The following NDRG1 variants were observed in gnomAD, a reference collection of about 807,000 sequenced individuals.
NDRG1 encodes the protein N-myc downstream regulated 1.
NDRG1 carries 32 observed loss-of-function variants against 56.9 expected under a neutral mutation model. The observed-to-expected ratio is 0.56, with a 90% CI of 0.42 to 0.76. The LOEUF is 0.76. NDRG1 is among the 30% of genes least tolerant of loss of function. NDRG1 has a pLI of 0.00. For missense variants in NDRG1, 507 were observed against 545.7 expected, an observed-to-expected ratio of 0.93 and a Z score of 0.71; for synonymous variants, 211 against 204.1, an observed-to-expected ratio of 1.03 and a Z score of -0.29.
At chr8:133,250,670 G>A (rs1448547421) in intron 9 of NDRG1, 127 bp from the exon 10 acceptor site, 15 of 831,400 alleles carry the variant, frequency 1.8e-5, no homozygotes, top group Middle Eastern at 3.4e-4. Context: ...ACAAGACAGC[G>A]ACGGACCTAA....
At position 133,256,849 on chromosome 8, in the gene NDRG1, C is replaced by T; in HGVS notation, c.465G>A (p.Glu155=). 6.2e-7 allele frequency: 1 copy of T among 1,614,178 alleles called. No homozygotes were observed. The highest frequency in any genetic ancestry group is 8.5e-7 in the Non-Finnish European group (1 of 1,180,028). Residue 155 remains glutamate, a synonymous_variant, in exon 8 of 16, where the codon GAG becomes GAA. Transcript: ENST00000323851. ...ILTRFALNNP[E]MVEGLVLINV... is the part of the protein sequence containing the mutation. ...TGATAAGGACAAGGCCCTCCACCAT[C>T]TCAGGGTTGTTTAGCTGCAATTCAA... is the stretch of plus-strand genomic sequence containing the variant.
chr8:133,249,578 G>A (rs954081672), intron 10 of NDRG1: 1 of 153,778 alleles, frequency 6.5e-6, no homozygotes, highest in Admixed American at 6.4e-5. Context: ...ACAGTGTGGA[G>A]TCTGCGGGCT....
chr8:133,244,681 T>G, intron 13 of NDRG1: 1 of 539,246 alleles, frequency 1.9e-6, no homozygotes, highest in Admixed American at 3.1e-5. Flanking sequence ...GGTACAGCTG[T>G]CCCATTTTAC....
At chr8:133,246,737 C>G (rs1855704969) in intron 12 of NDRG1, 74 bp from the exon 13 acceptor site, 1 of 1,336,670 alleles carries the variant, frequency 7.5e-7, no homozygotes, top group African/African-American at 1.4e-5. Flanking sequence ...TTCTCCGCCA[C>G]TCTGCCACCG....
chr8:133,291,259 G>T (rs1447149920), intron 1 of NDRG1, among the ~76,000 whole-genome samples: 4 of 152,212 alleles, frequency 2.6e-5, no homozygotes, highest in Non-Finnish European at 4.4e-5. Context: ...TTATAGAACA[G>T]ATTTTTAAAA....
intron 1 of NDRG1, among the ~76,000 whole-genome samples, chr8:133,285,057 G>A (rs3779930): frequency 6.6e-6 from 1 of 152,312 alleles, no homozygotes; most frequent in African/African-American, 2.4e-5. Context: ...CTCTAACACA[G>A]GGCAGGTGCA....
intron 15 of NDRG1, 153 bp from the exon 16 acceptor site, chr8:133,239,272 C>G: frequency 1.6e-6 from 2 of 1,222,442 alleles, no homozygotes; most frequent in Non-Finnish European, 2.3e-6. Context: ...CCGTCCTCTC[C>G]ATGTCCACTC....
chr8:133,268,863 T>TCACACACACA (rs10569573), intron 3 of NDRG1, among the ~76,000 whole-genome samples: 10 of 149,456 alleles, frequency 6.7e-5, no homozygotes, highest in Non-Finnish European at 1.3e-4. Flanking sequence ...ATCCCCTAAG[T>TCACACACACA]CACACACACA....
chr8:133,296,198 TCCAG>T (rs1439352080), intron 1 of NDRG1, among the ~76,000 whole-genome samples: 1 of 144,892 alleles, frequency 6.9e-6, no homozygotes, highest in Non-Finnish European at 1.5e-5. Context: ...TCGAAGTAAT[TCCAG>T]CTGTTTTCCC....
chr8:133,263,106 G>A (rs891516878), intron 4 of NDRG1, among the ~76,000 whole-genome samples: 2 of 152,286 alleles, frequency 1.3e-5, no homozygotes, highest in East Asian at 1.9e-4. Context: ...GGGGAGAGAC[G>A]CTGCCATATG....
chr8:133,264,490 T>C, intron 4 of NDRG1, 57 bp downstream of exon 4: 3 of 1,548,044 alleles, frequency 1.9e-6, no homozygotes, highest in Non-Finnish European at 2.7e-6. Flanking sequence ...CGGCTGCCTT[T>C]TTCCGCCACT....
intron 14 of NDRG1, among the ~76,000 whole-genome samples, chr8:133,242,737 G>C (rs1041080932): frequency 6.6e-6 from 1 of 151,428 alleles, no homozygotes; most frequent in African/African-American, 2.4e-5. Flanking sequence ...AAGAAAGGAA[G>C]AGAAGGAAGG....
chr8:133,271,190 G>A (rs117837354), intron 3 of NDRG1, among the ~76,000 whole-genome samples: 19 of 152,252 alleles, frequency 1.2e-4, no homozygotes, highest in Non-Finnish European at 2.2e-4. Context: ...GAGGATCACC[G>A]CATACCCAGG....
chr8:133,282,746 T>C (rs537293931), intron 2 of NDRG1, among the ~76,000 whole-genome samples: 2 of 152,246 alleles, frequency 1.3e-5, no homozygotes. Flanking sequence ...CTTGCTATAA[T>C]GGCAAAGTTG....
At position 133,256,771 on chromosome 8, in the gene NDRG1, C is replaced by T. The variant is rs556570301; in HGVS notation, c.537+6G>A. On this transcript the variant is annotated splice_donor_region_variant and intron_variant, in intron 8 of 15. Transcript: ENST00000323851. ...ATCCCGCCGGCCTGACAGGCCCCCACCTCACCTTGGAGGCGGCCCAGTCCA... is the reference window on the plus strand; with the variant it reads ...ATCCCGCCGGCCTGACAGGCCCCCATCTCACCTTGGAGGCGGCCCAGTCCA... 1 of 1,613,960 alleles carries T rather than the reference C, an allele frequency of 6.2e-7. No individual in the cohort carries two copies. Among genetic ancestry groups the T allele is most frequent in the African/African-American group, 1.3e-5 (1 of 74,926 alleles).
intron 10 of NDRG1, 105 bp downstream of exon 10, chr8:133,250,335 C>A: frequency 9.4e-7 from 1 of 1,061,670 alleles, no homozygotes; most frequent in East Asian, 2.4e-5. Flanking sequence ...TCAGAGCCTG[C>A]CTCTTCCGCT....
At chr8:133,244,461 C>T (rs535456302) in intron 13 of NDRG1, 71 bp from the exon 14 acceptor site, 270 of 1,581,736 alleles carry the variant, frequency 1.7e-4, no homozygotes, top group Admixed American at 4.2e-4. Flanking sequence ...GAATTTTTTC[C>T]GAAAGGATGC....
chr8:133,295,647 G>A (rs1276924768), intron 1 of NDRG1, among the ~76,000 whole-genome samples: 1 of 152,214 alleles, frequency 6.6e-6, no homozygotes, highest in Non-Finnish European at 1.5e-5. Context: ...TTCTCAACAG[G>A]AAGAGTCTAG....
At position 133,261,036 on chromosome 8, in the gene NDRG1, T is replaced by C. The variant is rs553739890; in HGVS notation, c.326+1011A>G. Among the ~76,000 whole-genome samples, 170 of 152,304 alleles carry C rather than the reference T, an allele frequency of 1.1e-3. 1 individual carries two copies. Among genetic ancestry groups the C allele is most frequent in the Non-Finnish European group, 1.9e-3 (130 of 68,018 alleles). ...GCAAATACTCTCAACTAAGGCAGCCTGATGTTCCAAAGAGGATACACGTCT... is the reference window on the plus strand; with the variant it reads ...GCAAATACTCTCAACTAAGGCAGCCCGATGTTCCAAAGAGGATACACGTCT... On this transcript the variant is annotated intron_variant, in intron 5 of 15. Coordinates refer to ENST00000323851, the MANE Select transcript of NDRG1 (RefSeq NM_006096.4).
Sources: allele counts gnomAD v4.1 joint callset (sites outside exome capture counted in the v4.1 genomes callset), GRCh38; gene constraint gnomAD v4.1.1; transcripts MANE v1.5; gene names NCBI Gene and HGNC (gene_info 2026-07-23, HGNC 2026-07-21).